DMXL1: variants seen among roughly 807,000 people sequenced by gnomAD.
DMXL1 encodes Dmx like 1, also known as dmX-like protein 1.
A neutral mutation model predicts 319.2 loss-of-function variants in DMXL1; 99 were observed. The ratio of observed to expected loss-of-function variants is 0.31; its 90% CI spans 0.26 to 0.37. The LOEUF is 0.37. Ranked by LOEUF, DMXL1 falls within the 10% of genes least tolerant of loss-of-function variation. The pLI is 1.00. For missense variants in DMXL1, 3,745 were observed against 3,595.6 expected (o/e 1.04, Z -1.06); for synonymous variants, 1,385 against 1,235.2 (o/e 1.12, Z -2.54).
At chr5:119,227,585 T>C (rs576308859) in intron 38 of DMXL1, among the ~76,000 whole-genome samples, 1 of 152,272 alleles carries the variant, frequency 6.6e-6, no homozygotes, top group Non-Finnish European at 1.5e-5. Flanking sequence ...AGGGACTATA[T>C]ATGTACAGTA....
chr5:119,232,649 G>T (rs562243803), intron 38 of DMXL1, among the ~76,000 whole-genome samples: 2 of 151,992 alleles, frequency 1.3e-5, no homozygotes, highest in Non-Finnish European at 2.9e-5. Flanking sequence ...GCAAAGCGAA[G>T]AATCAATAGT....
intron 25 of DMXL1, among the ~76,000 whole-genome samples, chr5:119,172,191 C>T (rs1159856801): frequency 2.0e-5 from 3 of 152,066 alleles, no homozygotes; most frequent in Non-Finnish European, 4.4e-5. Flanking sequence ...AATTTTTTAT[C>T]ACAATGCCTA....
At position 119,178,123 on chromosome 5, in the gene DMXL1, T is replaced by G. The variant is rs1388902337; in HGVS notation, c.7014T>G (p.His2338Gln). Residue 2338 changes from histidine (H) to glutamine (Q), a missense_variant, in exon 28 of 44, where the codon CAT (histidine) becomes CAG (glutamine). His to Gln is a conservative substitution (Grantham distance 24, BLOSUM62 0). Transcript: ENST00000539542. ...LSLFIHGLAT[H>Q]SSNELFRIVA... ...TCTTCATCCATGGCCTGGCCACACA[T>G]TCAAGTAATGAGCTATTTCGGATTG... 4 of 1,613,874 alleles carry G rather than the reference T, an allele frequency of 2.5e-6. No homozygotes were observed. The Admixed American group carries it at 6.7e-5, about 27-fold the overall frequency.
At chr5:119,203,545 A>G in intron 33 of DMXL1, 109 bp downstream of exon 33, 1 of 531,586 alleles carries the variant, frequency 1.9e-6, no homozygotes, top group Non-Finnish European at 3.2e-6. Flanking sequence ...AACACGTATC[A>G]TAAACATAGG....
At chr5:119,201,539 T>C (rs960294736) in intron 32 of DMXL1, among the ~76,000 whole-genome samples, 1 of 152,136 alleles carries the variant, frequency 6.6e-6, no homozygotes, top group African/African-American at 2.4e-5. Context: ...TTTTTTTTGT[T>C]GTTACTTCTG....
intron 34 of DMXL1, among the ~76,000 whole-genome samples, chr5:119,212,834 A>G (rs558231933): frequency 3.0e-4 from 45 of 152,166 alleles, no homozygotes; most frequent in African/African-American, 8.4e-4. Flanking sequence ...TTCTGTCTCT[A>G]TTTTTAGCTG....
Position 119,170,478 on chromosome 5 carries a change from G to C in DMXL1, c.5687G>C (p.Ser1896Thr), listed in dbSNP as rs779896950. ...ACAAGACCTTTTTATAGGGCTTCTAGTTTTCTGGATACTAGTAAAGACTGT... is the reference window on the plus strand; with the variant it reads ...ACAAGACCTTTTTATAGGGCTTCTACTTTTCTGGATACTAGTAAAGACTGT... Reference protein sequence around the residue: ...KKTRPFYRASSFLDTSKDCSP... With the variant: ...KKTRPFYRASTFLDTSKDCSP... Residue 1896 changes from serine (S) to threonine (T), a missense_variant, in exon 24 of 44, where the codon AGT becomes ACT. Around this residue, in one of 4 missense-constraint regions of DMXL1, gnomAD observed 1,382 missense variants for 1,269.5 expected, o/e 1.09. Transcript: ENST00000539542. The C allele has an allele frequency of 2.5e-6, 4 of 1,613,696 alleles. No homozygotes were observed. Among genetic ancestry groups the C allele is most frequent in the Non-Finnish European group, 3.4e-6 (4 of 1,179,890 alleles).
intron 28 of DMXL1, among the ~76,000 whole-genome samples, chr5:119,188,493 A>C (rs1778148408): frequency 6.6e-6 from 1 of 152,214 alleles, no homozygotes; most frequent in South Asian, 2.1e-4. Flanking sequence ...AAGGTAAAAA[A>C]ATATCTCTAT....
At position 119,144,606 on chromosome 5, in the gene DMXL1, G is replaced by A; in HGVS notation, c.2537G>A (p.Ser846Asn). ...DFILNNLEKK[S>N]LGKDSILSNA... ...ATTTTGAATAACCTTGAGAAGAAAA[G>A]CCTTGGCAAAGACAGCATTTTATCT... Residue 846 changes from serine (S) to asparagine (N), a missense_variant, in exon 15 of 44, where the codon AGC becomes AAC. Transcript: ENST00000539542. The A allele has an allele frequency of 6.3e-7, 1 of 1,599,618 alleles. No individual in the cohort carries two copies. Among genetic ancestry groups the A allele is most frequent in the Non-Finnish European group, 8.5e-7 (1 of 1,175,578 alleles).
chr5:119,121,579 A>G (rs1243933670), intron 9 of DMXL1, among the ~76,000 whole-genome samples: 3 of 152,164 alleles, frequency 2.0e-5, no homozygotes, highest in Non-Finnish European at 2.9e-5. Context: ...CACATGTTTC[A>G]GAGAGCACAG....
At position 119,171,805 on chromosome 5, in the gene DMXL1, C is replaced by T. The variant is rs368357344; in HGVS notation, c.6517C>T (p.Pro2173Ser). ...AACATCAGAACCACTATTTTCTAGC[C>T]CTCTGTCAGAGCAAACCTCAGTGCC... ...QETSEPLFSS[P>S]LSEQTSVPLL... is the part of the protein sequence containing the mutation. The change falls in exon 25 of 44, where the codon CCT becomes TCT. Residue 2173 changes from proline (P) to serine (S), a missense_variant. Around this residue, in one of 4 missense-constraint regions of DMXL1, gnomAD observed 1,382 missense variants for 1,269.5 expected, o/e 1.09. Coordinates refer to ENST00000539542, the MANE Select transcript of DMXL1 (RefSeq NM_001290321.3). 2 of 1,612,348 alleles carry T rather than the reference C, an allele frequency of 1.2e-6. No individual in the cohort carries two copies. Among genetic ancestry groups the T allele is most frequent in the Middle Eastern group, 1.7e-4 (1 of 6,058 alleles).
At chr5:119,104,891 TGTAATAATAAA>T (rs1453977329) in intron 3 of DMXL1, among the ~76,000 whole-genome samples, 3 of 152,340 alleles carry the variant, frequency 2.0e-5, no homozygotes, top group Non-Finnish European at 4.4e-5. Context: ...ACTTTTTAAC[TGTAATAATAAA>T]GTAATAATTA....
In DMXL1 at chr5:119,196,429, T is replaced by C. The variant is rs1385392804; in HGVS notation, c.7516T>C (p.Tyr2506His). The C allele has an allele frequency of 1.2e-6, 2 of 1,613,804 alleles. No homozygotes were observed. The highest frequency in any genetic ancestry group is 1.7e-6 in the Non-Finnish European group (2 of 1,179,792). ...QLVLNNLKTFYPFAGHDLAEL... is the reference protein window; with the variant it reads ...QLVLNNLKTFHPFAGHDLAEL... ...GGTGCTCAACAATTTGAAGACTTTT[T>C]ATCCCTTCGCAGGTCATGATCTTGC... The change falls in exon 31 of 44, where the codon TAT becomes CAT. Residue 2506 changes from tyrosine (Y) to histidine (H), a missense_variant. By Grantham distance (83) the Tyr-to-His change is moderately conservative. Around this residue, in one of 4 missense-constraint regions of DMXL1, gnomAD observed 1,382 missense variants for 1,269.5 expected, o/e 1.09. Coordinates refer to ENST00000539542, the MANE Select transcript of DMXL1 (RefSeq NM_001290321.3).
At chr5:119,166,579 A>T (rs772901103) in intron 21 of DMXL1, 37 bp from the exon 22 acceptor site, 1 of 1,567,530 alleles carries the variant, frequency 6.4e-7, no homozygotes, top group African/African-American at 1.4e-5. Flanking sequence ...AGAAAATTGT[A>T]TTCCAAAATT....
At chr5:119,185,178 C>T (rs952389427) in intron 28 of DMXL1, among the ~76,000 whole-genome samples, 2 of 152,012 alleles carry the variant, frequency 1.3e-5, no homozygotes, top group African/African-American at 4.8e-5. Context: ...CCCTCTACTT[C>T]TTCCCCTGTC....
chr5:119,104,313 G>T (rs1016811064), intron 3 of DMXL1: 2 of 152,194 alleles, frequency 1.3e-5, no homozygotes, highest in Admixed American at 6.5e-5. Flanking sequence ...CTGCAAGGCA[G>T]TGTTTCATGA....
intron 13 of DMXL1, among the ~76,000 whole-genome samples, chr5:119,136,899 A>G (rs930933985): frequency 1.3e-5 from 2 of 152,264 alleles, no homozygotes; most frequent in African/African-American, 4.8e-5. Flanking sequence ...AGGGCAATGC[A>G]GAGGGAGAAA....
chr5:119,118,463 G>A (rs1315071642), intron 7 of DMXL1, among the ~76,000 whole-genome samples: 1 of 152,102 alleles, frequency 6.6e-6, no homozygotes, highest in African/African-American at 2.4e-5. Flanking sequence ...ATCTTATTGA[G>A]TGCTGGGATG....
intron 28 of DMXL1, among the ~76,000 whole-genome samples, chr5:119,182,789 C>A (rs1388300490): frequency 6.6e-6 from 1 of 152,080 alleles, no homozygotes; most frequent in Non-Finnish European, 1.5e-5. Flanking sequence ...TTAACTAAAA[C>A]TGCAGTGCAG....
Sources: allele counts gnomAD v4.1 joint callset (sites outside exome capture counted in the v4.1 genomes callset), GRCh38; gene constraint gnomAD v4.1.1; regional missense constraint gnomAD v4.1.1; transcripts MANE v1.5; gene names NCBI Gene and HGNC (gene_info 2026-07-23, HGNC 2026-07-21).